DMC1: variants seen among roughly 807,000 people sequenced by gnomAD.
The protein encoded by DMC1 is DNA meiotic recombinase 1, also known as meiotic recombination protein DMC1 homolog.
In DMC1, 27 loss-of-function variants were observed where a neutral mutation model predicts 50.1. The ratio of observed to expected loss-of-function variants is 0.54; its 90% CI spans 0.40 to 0.74. The LOEUF (loss-of-function observed/expected upper bound fraction) is 0.74. Ranked by LOEUF, DMC1 falls within the 30% of genes least tolerant of loss-of-function variation. The pLI, the probability that DMC1 is intolerant of heterozygous loss-of-function variation, is 0.00. For missense variants in DMC1, 295 were observed against 420.2 expected, an observed-to-expected ratio of 0.70 and a Z score of 2.60; for synonymous variants, 148 against 136.1, an observed-to-expected ratio of 1.09 and a Z score of -0.61.
chr22:38,560,697 CATATATT>C (rs1281394706), intron 5 of DMC1, among the ~76,000 whole-genome samples: 1 of 151,642 alleles, frequency 6.6e-6, no homozygotes, highest in African/African-American at 2.4e-5. Flanking sequence ...ATAAAAATAA[CATATATT>C]ATATATTAAT....
chr22:38,569,198 A>AG (rs1415155211), intron 1 of DMC1: 1 of 151,952 alleles, frequency 6.6e-6, no homozygotes, highest in Non-Finnish European at 1.5e-5. Flanking sequence ...AAAAAAAAAA[A>AG]AATTGGTGGA....
the DMC1 span, among the ~76,000 whole-genome samples, chr22:38,511,579 G>C: frequency 6.6e-6 from 1 of 152,070 alleles, no homozygotes; most frequent in African/African-American, 2.4e-5. Context: ...GACAGAGAGA[G>C]ACCCTGTAAC....
At chr22:38,551,883 A>T in intron 7 of DMC1, among the ~76,000 whole-genome samples, 1 of 109,522 alleles carries the variant, frequency 9.1e-6, no homozygotes. Flanking sequence ...TTTTTTTGAG[A>T]CGAGTCTTGC....
intron 12 of DMC1, among the ~76,000 whole-genome samples, chr22:38,524,607 C>T (rs2090067160): frequency 6.6e-6 from 1 of 152,060 alleles, no homozygotes; most frequent in Admixed American, 6.6e-5. Context: ...TCTTCTTATC[C>T]TTGATGACTT....
downstream of DMC1, among the ~76,000 whole-genome samples, chr22:38,517,213 A>G (rs940982428): frequency 8.5e-5 from 13 of 152,294 alleles, no homozygotes; most frequent in African/African-American, 2.6e-4. Context: ...TGCCTTTGCT[A>G]TCTCTAAGAA....
In DMC1 at chr22:38,523,165, T is replaced by C. The variant is rs559376054; in HGVS notation, c.837-1441A>G. Among the ~76,000 whole-genome samples, 3 of 152,304 alleles carry C rather than the reference T, an allele frequency of 2.0e-5. No homozygotes were observed. The South Asian group carries it at 6.2e-4, about 32-fold the overall frequency. ...AAGAGTTAGTTTTGGAGTGAACCAC[T>C]ATCAAGAAAGTAGTAGCCAGACAGT... On this transcript the variant is annotated intron_variant, in intron 12 of 13. Coordinates refer to ENST00000216024, the MANE Select transcript of DMC1 (RefSeq NM_007068.4).
chr22:38,509,260 C>G, the DMC1 span, among the ~76,000 whole-genome samples: 17 of 152,058 alleles, frequency 1.1e-4, no homozygotes, highest in South Asian at 3.3e-3. Context: ...CAGATCAACC[C>G]CTTGCCTCGG....
chr22:38,547,563 G>A (rs369839821), intron 8 of DMC1, among the ~76,000 whole-genome samples: 4 of 150,194 alleles, frequency 2.7e-5, no homozygotes, highest in South Asian at 2.1e-4. Context: ...TTTTTGAGAC[G>A]GAGTTTCCCT....
chr22:38,517,974 CTT>C (rs1195079895), downstream of DMC1, among the ~76,000 whole-genome samples: 17 of 142,348 alleles, frequency 1.2e-4, no homozygotes, highest in South Asian at 2.2e-4. Context: ...TGGAATTTTA[CTT>C]TTTTTTTTTT....
intron 8 of DMC1, among the ~76,000 whole-genome samples, chr22:38,543,230 G>GTTTTTT (rs1234016755): frequency 7.6e-6 from 1 of 131,544 alleles, no homozygotes; most frequent in African/African-American, 2.8e-5. Flanking sequence ...CCTGTAAATT[G>GTTTTTT]TTTTTTTTTT....
intron 5 of DMC1, among the ~76,000 whole-genome samples, chr22:38,557,628 G>A (rs2090481163): frequency 1.3e-5 from 2 of 152,064 alleles, no homozygotes; most frequent in Admixed American, 1.3e-4. Context: ...TGGAGCCACT[G>A]CATTTTAGCC....
At chr22:38,542,165 C>T (rs930645292) in intron 8 of DMC1, among the ~76,000 whole-genome samples, 4 of 150,256 alleles carry the variant, frequency 2.7e-5, no homozygotes, top group Admixed American at 1.3e-4. Flanking sequence ...TGCCCACTTT[C>T]ACCACTGTTA....
At position 38,539,305 on chromosome 22, in the gene DMC1, T is replaced by C. The variant is rs950385071; in HGVS notation, c.586+16A>G. 2 of 1,597,386 alleles carry C rather than the reference T, an allele frequency of 1.3e-6. No individual in the cohort carries two copies. The highest frequency in any genetic ancestry group is 1.7e-6 in the Non-Finnish European group (2 of 1,164,814). ...CCTTACATTGACCCAAGCATCCAAC[T>C]GCATGGGGCTCTTACTAGTATATGC... On this transcript the variant is annotated intron_variant, in intron 9 of 13. Transcript: ENST00000216024.
Position 38,519,575 on chromosome 22 carries a change from C to T in DMC1, c.*445G>A. The T allele has an allele frequency of 5.1e-6, 1 of 196,648 alleles. No homozygotes were observed. Among genetic ancestry groups the T allele is most frequent in the Non-Finnish European group, 1.1e-5 (1 of 94,406 alleles). 12.2% of individuals were successfully genotyped at this position (196,648 alleles called of 1,614,324 possible). A position where few individuals can be genotyped will look rare whatever the true frequency, so the allele number is the denominator to read the frequency against. ...GCTATGTAAGTCAGTGGCACTATAC[C>T]CTAGAAAAATGGTGAAGGGAAAGTC... is the stretch of plus-strand genomic sequence containing the variant. On this transcript the variant is annotated 3_prime_UTR_variant, in exon 14 of 14. Coordinates refer to ENST00000216024, the MANE Select transcript of DMC1 (RefSeq NM_007068.4).
downstream of DMC1, among the ~76,000 whole-genome samples, chr22:38,516,858 CACTGTCGCCCAGGCTGGAGT>C: frequency 6.6e-6 from 1 of 152,166 alleles, no homozygotes; most frequent in Non-Finnish European, 1.5e-5. Flanking sequence ...GACAGGGTCT[CACTGTCGCCCAGGCTGGAGT>C]ACAGTGGTGC....
intron 12 of DMC1, among the ~76,000 whole-genome samples, chr22:38,529,995 T>C (rs911220622): frequency 1.3e-5 from 2 of 152,062 alleles, no homozygotes; most frequent in Admixed American, 6.6e-5. Context: ...AGATGGAGTC[T>C]TGCTCTGTCG....
chr22:38,526,360 C>T (rs2090088621), intron 12 of DMC1, among the ~76,000 whole-genome samples: 1 of 152,086 alleles, frequency 6.6e-6, no homozygotes, highest in South Asian at 2.1e-4. Context: ...CAGGTACATG[C>T]CACCACGCCC....
intron 1 of DMC1, among the ~76,000 whole-genome samples, chr22:38,569,781 C>T (rs1029725299): frequency 1.3e-5 from 2 of 152,196 alleles, no homozygotes; most frequent in African/African-American, 2.4e-5. Flanking sequence ...GGGCAGACCC[C>T]CTGCGGCCGC....
At chr22:38,533,320 T>A (rs573000722) in intron 12 of DMC1, among the ~76,000 whole-genome samples, 37 of 136,502 alleles carry the variant, frequency 2.7e-4, no homozygotes, top group African/African-American at 1.0e-3. Context: ...GGCATCAACC[T>A]GGGAGGCGGA....
Sources: gnomAD v4.1 joint callset for allele counts (sites outside exome capture counted in the v4.1 genomes callset) on GRCh38, gnomAD v4.1.1 for gene constraint, MANE v1.5 for transcripts, NCBI Gene and HGNC (gene_info 2026-07-23, HGNC 2026-07-21) for gene names.